Variants in LY75 observed in about 807,000 individuals in gnomAD.
The protein encoded by LY75 is lymphocyte antigen 75.
LY75 carries 185 observed loss-of-function variants against 231.7 expected under a neutral mutation model. That is an observed-to-expected ratio of 0.80 (90% CI 0.71 to 0.90). The LOEUF (loss-of-function observed/expected upper bound fraction) is 0.90. Ranked by LOEUF, LY75 falls within the 40% of genes least tolerant of loss-of-function variation. The pLI, the probability that LY75 is intolerant of heterozygous loss-of-function variation, is 0.00. For synonymous variants in LY75, 668 were observed against 689.0 expected, an observed-to-expected ratio of 0.97 and a Z score of 0.48; for missense variants, 1,947 against 2,050.2, an observed-to-expected ratio of 0.95 and a Z score of 0.97.
At position 159,819,751 on chromosome 2, in the gene LY75, G is replaced by A. The variant is rs770589880; in HGVS notation, c.4128C>T (p.Ser1376=). ...CCATTTCAATTTTACAAGCAAGAAT[G>A]CTGTGCTGGTGAAAATAAACTGCTT... is the stretch of plus-strand genomic sequence containing the variant. The part of the protein sequence containing the change: ...IEEAVYFHQH[S]ILACKIEMVD... The change falls in exon 29 of 35, where the codon AGC becomes AGT. Residue 1376 remains serine (S), a synonymous_variant. Coordinates refer to ENST00000263636, the MANE Select transcript of LY75 (RefSeq NM_002349.4). 4 of 1,612,386 alleles carry A rather than the reference G, an allele frequency of 2.5e-6. No homozygotes were observed. The highest frequency in any genetic ancestry group is 3.4e-6 in the Non-Finnish European group (4 of 1,179,550).
chr2:159,866,987 C>A (rs1004566812), intron 13 of LY75, among the ~76,000 whole-genome samples: 4 of 152,094 alleles, frequency 2.6e-5, no homozygotes, highest in African/African-American at 9.7e-5. Context: ...GCTAATAGCT[C>A]CCCTTCCTTC....
chr2:159,843,492 T>C (rs1208629984), intron 23 of LY75, among the ~76,000 whole-genome samples: 1 of 19,302 alleles, frequency 5.2e-5, no homozygotes, highest in Non-Finnish European at 2.1e-4. Context: ...TAATGGCCAT[T>C]TTTTTTTTTT....
intron 28 of LY75, among the ~76,000 whole-genome samples, chr2:159,826,768 A>G (rs1271437495): frequency 1.3e-5 from 2 of 152,190 alleles, no homozygotes; most frequent in Admixed American, 6.5e-5. Flanking sequence ...GATATAGACC[A>G]ATGGAACAGA....
chr2:159,887,211 TCACACACACACACACA>T (rs370794967), intron 4 of LY75, among the ~76,000 whole-genome samples: 1 of 129,970 alleles, frequency 7.7e-6, no homozygotes, highest in African/African-American at 2.8e-5. Context: ...AGAGTGAGAG[TCACACACACACACACA>T]CACACACACA....
intron 1 of LY75, among the ~76,000 whole-genome samples, chr2:159,904,085 T>C (rs1686161359): frequency 6.6e-6 from 1 of 152,178 alleles, no homozygotes; most frequent in Non-Finnish European, 1.5e-5. Flanking sequence ...CCTGACTTCC[T>C]TCCTGATGCG....
chr2:159,893,401 T>C (rs1168743798), intron 3 of LY75, among the ~76,000 whole-genome samples: 2 of 152,214 alleles, frequency 1.3e-5, no homozygotes, highest in Non-Finnish European at 2.9e-5. Context: ...CTGGAACACT[T>C]ACAGTAGTCT....
chr2:159,877,954 C>G (rs901478523), intron 11 of LY75, among the ~76,000 whole-genome samples: 1 of 152,164 alleles, frequency 6.6e-6, no homozygotes, highest in African/African-American at 2.4e-5. Context: ...GAAGAAAACA[C>G]ATTCAGTTTT....
At position 159,815,128 on chromosome 2, in the gene LY75, C is replaced by G. The variant is rs1000329096; in HGVS notation, c.4549+277G>C. The stretch of plus-strand genomic sequence containing the variant: ...CCATTCTCCCGCCTCAGCCTCCTGA[C>G]TAGCTGGGACTACAGGCGCCCGCCA... On this transcript the variant is annotated intron_variant, in intron 31 of 34. Coordinates refer to ENST00000263636, the MANE Select transcript of LY75 (RefSeq NM_002349.4). 8.6e-5 allele frequency among the ~76,000 whole-genome samples: 13 copies of G among 151,812 alleles called. No homozygotes were observed. In the East Asian group the frequency reaches 9.7e-4, roughly 11 times the overall value.
At chr2:159,875,831 G>A (rs756777266) in intron 11 of LY75, among the ~76,000 whole-genome samples, 188 bp from the exon 12 acceptor site, 1 of 151,928 alleles carries the variant, frequency 6.6e-6, no homozygotes, top group Non-Finnish European at 1.5e-5. Flanking sequence ...AGTACTTTTT[G>A]AAAAAGATTA....
At chr2:159,840,688 T>A in intron 25 of LY75, 41 bp downstream of exon 25, 1 of 1,612,576 alleles carries the variant, frequency 6.2e-7, no homozygotes, top group South Asian at 1.1e-5. Flanking sequence ...AAAATGTCGC[T>A]TTCCATCACC....
chr2:159,889,182 C>G (rs955253627), intron 4 of LY75, among the ~76,000 whole-genome samples: 5 of 151,994 alleles, frequency 3.3e-5, no homozygotes, highest in African/African-American at 1.2e-4. Flanking sequence ...AATAGAAAAG[C>G]ATATCATTTT....
At chr2:159,827,083 G>A (rs569295169) in intron 28 of LY75, among the ~76,000 whole-genome samples, 9 of 152,154 alleles carry the variant, frequency 5.9e-5, no homozygotes, top group Admixed American at 1.3e-4. Context: ...CAAAAGCAAC[G>A]GCAACAAAAG....
rs892194911 is a variant in LY75, at chr2:159,815,280, C to T, written c.4549+125G>A. 6 of 1,232,490 alleles carry T rather than the reference C, an allele frequency of 4.9e-6. No homozygotes were observed. The South Asian group carries it at 5.1e-5, about 10-fold the overall frequency. 76.3% of individuals were successfully genotyped at this position (1,232,490 alleles called of 1,614,324 possible). A position where few individuals can be genotyped will look rare whatever the true frequency, so the allele number is the denominator to read the frequency against. On this transcript the variant is annotated intron_variant, in intron 31 of 34. Coordinates refer to ENST00000263636, the MANE Select transcript of LY75 (RefSeq NM_002349.4). ...CCTCCCAAAGTGCTGGGATTACAGG[C>T]GCGAGCCACTGCGCCCGGCCCTTGT...
At chr2:159,876,005 G>C (rs1013592897) in intron 11 of LY75, among the ~76,000 whole-genome samples, 5 of 152,090 alleles carry the variant, frequency 3.3e-5, no homozygotes, top group African/African-American at 1.2e-4. Flanking sequence ...TGCTGCTTAG[G>C]ATAGTGGTTC....
At chr2:159,847,963 G>A (rs1684253006) in intron 23 of LY75, among the ~76,000 whole-genome samples, 1 of 151,106 alleles carries the variant, frequency 6.6e-6, no homozygotes, top group African/African-American at 2.4e-5. Context: ...GGTAAATGAT[G>A]GCATATCAAT....
Position 159,818,961 on chromosome 2 carries a change from G to T in LY75, c.4153+765C>A, listed in dbSNP as rs147333534. 6.0e-3 allele frequency among the ~76,000 whole-genome samples: 914 copies of T among 152,272 alleles called. 12 individuals are homozygous for T. Among genetic ancestry groups the T allele is most frequent in the African/African-American group, 0.021 (891 of 41,560 alleles). ...CTGAGCAAGAATGGGGAAAAACAGGGAACTGGGAGAAGGCCTAGAAACTGG... is the reference window on the plus strand; with the variant it reads ...CTGAGCAAGAATGGGGAAAAACAGGTAACTGGGAGAAGGCCTAGAAACTGG... On this transcript the variant is annotated intron_variant, in intron 29 of 34. Coordinates refer to ENST00000263636, the MANE Select transcript of LY75 (RefSeq NM_002349.4).
intron 28 of LY75, among the ~76,000 whole-genome samples, chr2:159,824,603 A>C (rs1442844922): frequency 6.6e-6 from 1 of 152,232 alleles, no homozygotes; most frequent in East Asian, 1.9e-4. Flanking sequence ...TCAGCTCTGG[A>C]CCAAGTGGAC....
intron 1 of LY75, among the ~76,000 whole-genome samples, chr2:159,904,045 G>A (rs1686159250): frequency 6.6e-6 from 1 of 152,224 alleles, no homozygotes; most frequent in African/African-American, 2.4e-5. Flanking sequence ...TCTTGGTCTT[G>A]GTCACTTTCG....
At chr2:159,882,689 C>T (rs3792202) in intron 6 of LY75, among the ~76,000 whole-genome samples, 25,676 of 152,172 alleles carry the variant, frequency 0.17, 2,482 homozygotes, top group East Asian at 0.33. Flanking sequence ...TGTTAGGTTT[C>T]CCTCCAGTCT....
Sources: gnomAD v4.1 joint callset for allele counts (sites outside exome capture counted in the v4.1 genomes callset) on GRCh38, gnomAD v4.1.1 for gene constraint, MANE v1.5 for transcripts, NCBI Gene and HGNC (gene_info 2026-07-23, HGNC 2026-07-21) for gene names.